The following ARHGEF7 variants were observed in gnomAD, a reference collection of about 807,000 sequenced individuals.
The protein encoded by ARHGEF7 is PAK-interacting exchange factor beta.
Under a neutral mutation model 109.8 loss-of-function variants are expected in ARHGEF7, and 33 were observed. The observed-to-expected ratio is 0.30, with a 90% CI of 0.23 to 0.40. The LOEUF (loss-of-function observed/expected upper bound fraction) is 0.40. Among genes scored for constraint, ARHGEF7 ranks in the 10% least tolerant of loss-of-function variants. ARHGEF7 has a pLI of 1.00. For synonymous variants in ARHGEF7, 458 were observed against 424.6 expected (o/e 1.08, Z -0.97); for missense variants, 938 against 1,098.5 (o/e 0.85, Z 2.07).
intron 5 of ARHGEF7, among the ~76,000 whole-genome samples, chr13:111,223,090 T>C (rs1207199756): frequency 1.3e-5 from 2 of 152,202 alleles, no homozygotes; most frequent in Non-Finnish European, 2.9e-5. Context: ...ATAGTATATA[T>C]AGGGTTGGTA....
At position 111,273,119 on chromosome 13, in the gene ARHGEF7, G is replaced by A. The variant is rs1231248587; in HGVS notation, c.1074-695G>A. Among the ~76,000 whole-genome samples the A allele has an allele frequency of 5.9e-5, 9 of 152,302 alleles. No homozygotes were observed. In the South Asian group the frequency reaches 6.2e-4, roughly 11 times the overall value. Reference sequence around the variant, plus strand: ...ACACAGGGACACCTTCCTTCCTTACGTGTTGTGAGGATTGAATGTAACAAT... The same window carrying A: ...ACACAGGGACACCTTCCTTCCTTACATGTTGTGAGGATTGAATGTAACAAT... On this transcript the variant is annotated intron_variant, in intron 9 of 21. Coordinates refer to ENST00000646102, the MANE Select transcript of ARHGEF7 (RefSeq NM_001354046.2). This position sits in a 1 kb window ranked among gnomAD's most constrained non-coding sequence, Gnocchi z 4.5.
At chr13:111,214,086 C>G (rs868542711) in intron 4 of ARHGEF7, among the ~76,000 whole-genome samples, 90 of 152,336 alleles carry the variant, frequency 5.9e-4, no homozygotes, top group African/African-American at 2.1e-3. Flanking sequence ...GCTGCCTGCC[C>G]CCTGTACCCT....
intron 1 of ARHGEF7, among the ~76,000 whole-genome samples, chr13:111,148,596 C>A (rs1022891764): frequency 6.6e-6 from 1 of 152,206 alleles, no homozygotes; most frequent in Non-Finnish European, 1.5e-5. Flanking sequence ...CTGGTTGGGC[C>A]GTCCCATCTC....
intron 1 of ARHGEF7, 46 bp from the exon 2 acceptor site, chr13:111,153,859 C>T (rs771119233): frequency 1.3e-6 from 2 of 1,575,058 alleles, no homozygotes; most frequent in African/African-American, 1.4e-5. Flanking sequence ...TCCGCGGCGT[C>T]CCCGCTGCCG....
chr13:111,163,207 C>G (rs564278269), intron 2 of ARHGEF7, among the ~76,000 whole-genome samples: 1 of 152,164 alleles, frequency 6.6e-6, no homozygotes, highest in East Asian at 1.9e-4. Flanking sequence ...GTAACTATTC[C>G]CTGAACATTT....
intron 17 of ARHGEF7, 30 bp from the exon 18 acceptor site, chr13:111,288,324 G>C (rs772571228): frequency 1.3e-6 from 2 of 1,562,066 alleles, no homozygotes; most frequent in African/African-American, 2.7e-5. Context: ...CTTTCAGTTC[G>C]ACTGTGAACT....
At chr13:111,209,563 T>G (rs558834592) in intron 3 of ARHGEF7, among the ~76,000 whole-genome samples, 1 of 151,924 alleles carries the variant, frequency 6.6e-6, no homozygotes, top group Non-Finnish European at 1.5e-5. Context: ...TTTGAGAGGC[T>G]TTTTTTTCCA....
chr13:111,133,763 TTATATATATATATATATA>T (rs763290549), intron 1 of ARHGEF7, among the ~76,000 whole-genome samples: 16 of 7,378 alleles, frequency 2.2e-3, no homozygotes, highest in African/African-American at 7.9e-3. Context: ...CTGCTTTTCT[TTATATATATATATATATA>T]TATATATATA....
intron 19 of ARHGEF7, chr13:111,294,056 T>C (rs1404749230): frequency 5.1e-6 from 5 of 985,452 alleles, no homozygotes; most frequent in Non-Finnish European, 6.0e-6. Flanking sequence ...GAAGATTTTG[T>C]ATTTTCATAC....
At chr13:111,300,997 G>A (rs2093553289) in intron 20 of ARHGEF7, 150 bp downstream of exon 20, 4 of 498,206 alleles carry the variant, frequency 8.0e-6, no homozygotes, top group Non-Finnish European at 1.4e-5. Context: ...CACCCAGGCT[G>A]GAGTGCAATG....
Position 111,273,195 on chromosome 13 carries a change from A to T in ARHGEF7, c.1074-619A>T, listed in dbSNP as rs1371729930. ...CAACATTCGCTGTCTGCACACAGGG[A>T]CCCCTTTCTTCCTCACGTATTGTGA... On this transcript the variant is annotated intron_variant, in intron 9 of 21. Transcript: ENST00000646102. This position sits in a 1 kb window ranked among gnomAD's most constrained non-coding sequence, Gnocchi z 4.5. Among the ~76,000 whole-genome samples the T allele has an allele frequency of 6.6e-6, 1 of 152,108 alleles. No individual in the cohort carries two copies. The highest frequency in any genetic ancestry group is 1.5e-5 in the Non-Finnish European group (1 of 68,012).
At chr13:111,210,739 C>T (rs1018024645) in intron 4 of ARHGEF7, among the ~76,000 whole-genome samples, 8 of 152,186 alleles carry the variant, frequency 5.3e-5, no homozygotes, top group Admixed American at 2.6e-4. Context: ...GCAGTGACTT[C>T]GATTGGCTGC....
At chr13:111,286,088 A>G in intron 16 of ARHGEF7, 59 bp from the exon 17 acceptor site, 2 of 1,355,792 alleles carry the variant, frequency 1.5e-6, no homozygotes, top group Middle Eastern at 1.8e-4. Context: ...CCTTTCTGAT[A>G]TGCCAGTGAA....
At chr13:111,165,654 G>A (rs372806224) in intron 2 of ARHGEF7, among the ~76,000 whole-genome samples, 1 of 152,188 alleles carries the variant, frequency 6.6e-6, no homozygotes, top group Non-Finnish European at 1.5e-5. Flanking sequence ...CTGTTGAACC[G>A]ACTCAGTATA....
At chr13:111,280,710 T>C in intron 15 of ARHGEF7, 33 bp downstream of exon 15, 1 of 1,473,454 alleles carries the variant, frequency 6.8e-7, no homozygotes, top group African/African-American at 1.4e-5. Context: ...CCTTCCAGAC[T>C]CCAGGCGTGG....
chr13:111,159,722 T>C (rs1047252320), intron 2 of ARHGEF7, among the ~76,000 whole-genome samples: 1 of 152,168 alleles, frequency 6.6e-6, no homozygotes, highest in Non-Finnish European at 1.5e-5. Context: ...TTAATCAGGT[T>C]TTTTTTTGTT....
chr13:111,163,203 A>G (rs546009673), intron 2 of ARHGEF7, among the ~76,000 whole-genome samples: 10 of 152,366 alleles, frequency 6.6e-5, no homozygotes, highest in Admixed American at 5.2e-4. Flanking sequence ...ATGAGTAACT[A>G]TTCCCTGAAC....
chr13:111,249,545 G>A (rs1034450019), intron 8 of ARHGEF7, among the ~76,000 whole-genome samples: 8 of 152,076 alleles, frequency 5.3e-5, no homozygotes, highest in African/African-American at 1.9e-4. Context: ...ACACGGGAAA[G>A]GGGGAGTAGA....
rs532621165 is a variant in ARHGEF7 at position 111,229,308 on chromosome 13, C to G, written c.671-3897C>G. On this transcript the variant is annotated intron_variant, in intron 5 of 21. Coordinates refer to ENST00000646102, the MANE Select transcript of ARHGEF7 (RefSeq NM_001354046.2). The stretch of plus-strand genomic sequence containing the variant: ...TCTGTTTTAATCCGCGTATTTTAAT[C>G]TACTTTGCGTATCTGTTTGTTTCAC... Among the ~76,000 whole-genome samples the G allele has an allele frequency of 5.3e-5, 8 of 152,308 alleles. No individual in the cohort carries two copies. The South Asian group carries it at 1.7e-3, about 32-fold the overall frequency.
Sources: gnomAD v4.1 joint callset for allele counts (sites outside exome capture counted in the v4.1 genomes callset) on GRCh38, gnomAD v4.1.1 for gene constraint, Gnocchi (gnomAD v3.1) non-coding constraint, MANE v1.5 for transcripts, NCBI Gene and HGNC (gene_info 2026-07-23, HGNC 2026-07-21) for gene names.